The following ACACB variants were observed in gnomAD, a reference collection of about 807,000 sequenced individuals.
ACACB encodes the protein acetyl-CoA carboxylase beta, also known as acetyl-CoA carboxylase 2.
In ACACB, 209 loss-of-function variants were observed where a neutral mutation model predicts 278.8. That is an observed-to-expected ratio of 0.75 (90% CI 0.67 to 0.84). The LOEUF is 0.84. Among genes scored for constraint, ACACB ranks in the 40% least tolerant of loss-of-function variants. The probability of loss-of-function intolerance (pLI) is 0.00; values close to 1 mark genes in which losing one functional copy is unlikely to be tolerated. For synonymous variants in ACACB, 1,174 were observed against 1,285.6 expected, an observed-to-expected ratio of 0.91 and a Z score of 1.86; for missense variants, 2,850 against 3,269.0, an observed-to-expected ratio of 0.87 and a Z score of 3.13.
chr12:109,115,230 A>T (rs530950046), upstream of ACACB, among the ~76,000 whole-genome samples: 1 of 152,186 alleles, frequency 6.6e-6, no homozygotes, highest in South Asian at 2.1e-4. Flanking sequence ...AGGACACTGA[A>T]GCTCAGCCAT....
Position 109,179,513 on chromosome 12 carries a change from G to T in ACACB, c.1647+216G>T, listed in dbSNP as rs184930519. 24 of 617,966 alleles carry T rather than the reference G, an allele frequency of 3.9e-5. No individual in the cohort carries two copies. The Admixed American group carries it at 6.3e-4, about 16-fold the overall frequency. The allele number at this position is 617,966 out of a possible 1,614,324, so 38.3% of individuals were successfully genotyped here. A position where few individuals can be genotyped will look rare whatever the true frequency, so the allele number is the denominator to read the frequency against. ...TATTTCTTTTCTTTTTTGAGACAGA[G>T]TCTCACTGTGTTGCCCACGCTGGAG... On this transcript the variant is annotated intron_variant, in intron 10 of 52. Transcript: ENST00000338432.
At chr12:109,249,860 C>A in intron 40 of ACACB, 124 bp from the exon 41 acceptor site, 1 of 1,323,608 alleles carries the variant, frequency 7.6e-7, no homozygotes, top group Non-Finnish European at 1.0e-6. Context: ...CATTTTGCCT[C>A]TGGATGCTTT....
chr12:109,207,007 G>T (rs1249668369), intron 20 of ACACB, 151 bp downstream of exon 20: 2 of 992,194 alleles, frequency 2.0e-6, no homozygotes, highest in Non-Finnish European at 2.9e-6. Flanking sequence ...TTCAGACAAG[G>T]TCTCACTCTG....
chr12:109,262,233 A>T (rs2047397391), intron 48 of ACACB, 124 bp from the exon 49 acceptor site: 6 of 692,878 alleles, frequency 8.7e-6, no homozygotes, highest in Non-Finnish European at 1.5e-5. Flanking sequence ...TGTGGGGGTA[A>T]AAGAGCTGAG....
chr12:109,146,190 T>G (rs1025255065), intron 2 of ACACB, among the ~76,000 whole-genome samples: 1 of 152,138 alleles, frequency 6.6e-6, no homozygotes, highest in Non-Finnish European at 1.5e-5. Context: ...AACTAAGGCC[T>G]GGGAGAAGAG....
chr12:109,222,819 C>A lies in ACACB; in HGVS notation c.3699C>A (p.Leu1233=). The A allele has an allele frequency of 6.2e-7, 1 of 1,613,776 alleles. No individual in the cohort carries two copies. The highest frequency in any genetic ancestry group is 2.2e-5 in the East Asian group (1 of 44,868). ...TGCAGATCCTGATTGCCTCCCACCT[C>A]CCCTCCTACGAGCTGCGGCATAACC... The part of the protein sequence containing the change: ...RARQILIASH[L]PSYELRHNQV... The change falls in exon 26 of 53, where the codon CTC becomes CTA. Residue 1233 remains leucine, a synonymous_variant. Transcript: ENST00000338432.
chr12:109,190,640 T>C (rs1428739464), intron 13 of ACACB, among the ~76,000 whole-genome samples: 1 of 151,872 alleles, frequency 6.6e-6, no homozygotes, highest in Non-Finnish European at 1.5e-5. Context: ...TTTTTTCTTC[T>C]TTTAAGAGAT....
Position 109,213,055 on chromosome 12 carries a change from T to C in ACACB, c.3350+119T>C, listed in dbSNP as rs549799873. The C allele has an allele frequency of 7.4e-4, 599 of 811,506 alleles. 10 individuals are homozygous for C. In the South Asian group the frequency reaches 9.1e-3, roughly 12 times the overall value. 50.3% of individuals were successfully genotyped at this position (811,506 alleles called of 1,614,324 possible). ...GCTTGAACTGAGAGAAAGTGTGTTATAGTCCTGCAGTGCCATTACTAACAG... is the reference window on the plus strand; with the variant it reads ...GCTTGAACTGAGAGAAAGTGTGTTACAGTCCTGCAGTGCCATTACTAACAG... On this transcript the variant is annotated intron_variant, in intron 22 of 52. Transcript: ENST00000338432.
upstream of ACACB, among the ~76,000 whole-genome samples, chr12:109,115,554 C>T (rs534162457): frequency 9.1e-4 from 137 of 150,332 alleles, 2 homozygotes; most frequent in South Asian, 3.8e-3. Flanking sequence ...TGACTCGGGC[C>T]GGGCATTGTG....
At chr12:109,216,966 G>C in intron 24 of ACACB, 46 bp downstream of exon 24, 1 of 1,590,070 alleles carries the variant, frequency 6.3e-7, no homozygotes, top group Non-Finnish European at 8.6e-7. Flanking sequence ...TGGGTCAGGA[G>C]TCCACAAACG....
At chr12:109,258,932 G>A (rs1486599693) in intron 46 of ACACB, 41 bp from the exon 47 acceptor site, 3 of 1,610,008 alleles carry the variant, frequency 1.9e-6, no homozygotes, top group Non-Finnish European at 1.7e-6. Context: ...CTGGGTTGTG[G>A]TTGTGCAGAG....
intron 1 of ACACB, among the ~76,000 whole-genome samples, chr12:109,120,571 A>ATG (rs954231637): frequency 9.2e-5 from 14 of 151,726 alleles, no homozygotes; most frequent in Non-Finnish European, 1.9e-4. Context: ...GTGTGTGTGT[A>ATG]TGTGTGTGTG....
rs2047550841 is a variant in ACACB, at chr12:109,267,765, C to T, written c.*1403C>T. 6.5e-6 allele frequency: 1 copy of T among 152,892 alleles called. No homozygotes were observed. Among genetic ancestry groups the T allele is most frequent in the African/African-American group, 2.4e-5 (1 of 41,468 alleles). 9.5% of individuals were successfully genotyped at this position (152,892 alleles called of 1,614,324 possible). A position where few individuals can be genotyped will look rare whatever the true frequency, so the allele number is the denominator to read the frequency against. ...CTCTGCAGGCGGCACAGCCTGGGGC[C>T]CTGTGATCCTCTGGTTTCTTCCATT... On this transcript the variant is annotated 3_prime_UTR_variant, in exon 53 of 53. Transcript: ENST00000338432.
At position 109,253,148 on chromosome 12, in the gene ACACB, A is replaced by G. The variant is rs780066853; in HGVS notation, c.6035A>G (p.Tyr2012Cys). ...TATACCATCCTGGAGTGGCTGTCCT[A>G]TATGCCAAAGGTGCAGTACTCCCCC... Reference protein sequence around the residue: ...GVYTILEWLSYMPKDNHSPVP... With the variant: ...GVYTILEWLSCMPKDNHSPVP... Residue 2012 changes from tyrosine to cysteine, a missense_variant, in exon 43 of 53, where the codon TAT becomes TGT. Coordinates refer to ENST00000338432, the MANE Select transcript of ACACB (RefSeq NM_001093.4). The G allele has an allele frequency of 6.3e-7, 1 of 1,588,292 alleles. No homozygotes were observed. Among genetic ancestry groups the G allele is most frequent in the South Asian group, 1.2e-5 (1 of 86,208 alleles).
rs747619662 is a variant in ACACB, at chr12:109,246,467, G to A, written c.5571+19G>A. 60 of 1,604,378 alleles carry A rather than the reference G, an allele frequency of 3.7e-5. No individual in the cohort carries two copies. The highest frequency in any genetic ancestry group is 5.5e-5 in the South Asian group (5 of 90,758). ...CCACAAAGTACGTCGTGAAACTGGC[G>A]GGGCAGGGTGATTCTGCTCAGCTAC... On this transcript the variant is annotated intron_variant, in intron 39 of 52. Transcript: ENST00000338432.
chr12:109,137,263 T>G (rs200858818), intron 1 of ACACB, among the ~76,000 whole-genome samples: 1 of 145,882 alleles, frequency 6.9e-6, no homozygotes, highest in Admixed American at 7.2e-5. Flanking sequence ...ATCAGCAAAT[T>G]CTGCTGCTGA....
intron 2 of ACACB, among the ~76,000 whole-genome samples, chr12:109,159,743 ACAAT>A (rs761882861): frequency 2.6e-5 from 4 of 151,862 alleles, no homozygotes; most frequent in Non-Finnish European, 5.9e-5. Context: ...CCAAGTTGTG[ACAAT>A]CAAAGATGTC....
At chr12:109,230,743 T>G (rs2046444906) in intron 28 of ACACB, among the ~76,000 whole-genome samples, 2 of 152,212 alleles carry the variant, frequency 1.3e-5, no homozygotes, top group South Asian at 2.1e-4. Flanking sequence ...TCTTTTGATC[T>G]TATTGTCCCA....
chr12:109,232,926 A>G, intron 29 of ACACB, 120 bp downstream of exon 29: 2 of 1,212,738 alleles, frequency 1.6e-6, no homozygotes, highest in Non-Finnish European at 2.3e-6. Context: ...GTGGCACAGC[A>G]TGTCAATAAC....
Sources: gnomAD v4.1 joint callset for allele counts (sites outside exome capture counted in the v4.1 genomes callset) on GRCh38, gnomAD v4.1.1 for gene constraint, MANE v1.5 for transcripts, NCBI Gene and HGNC (gene_info 2026-07-23, HGNC 2026-07-21) for gene names.